Variants in MACROD2 observed in about 807,000 individuals in gnomAD.
MACROD2 encodes the protein ADP-ribose glycohydrolase MACROD2.
A neutral mutation model predicts 70.4 loss-of-function variants in MACROD2; 36 were observed. The observed-to-expected ratio is 0.51, with a 90% CI of 0.39 to 0.68. MACROD2 has a LOEUF of 0.68. Among genes scored for constraint, MACROD2 ranks in the 30% least tolerant of loss-of-function variants. MACROD2 has a pLI of 0.00. For synonymous variants in MACROD2, 172 were observed against 178.8 expected (o/e 0.96, Z 0.30); for missense variants, 496 against 538.4 (o/e 0.92, Z 0.78).
At chr20:15,672,348 T>TACACACACAC (rs3071295) in intron 8 of MACROD2, among the ~76,000 whole-genome samples, 2,915 of 141,884 alleles carry the variant, frequency 0.021, 70 homozygotes, top group East Asian at 0.062. Flanking sequence ...TGTTCTATTT[T>TACACACACAC]ACACACACAC....
chr20:14,319,634 G>A (rs1221634350), intron 3 of MACROD2, among the ~76,000 whole-genome samples: 1 of 152,022 alleles, frequency 6.6e-6, no homozygotes, highest in East Asian at 1.9e-4. Context: ...ATCCCCAAGG[G>A]TCACCTCATT....
chr20:14,536,626 GGTGTGTGTGTGTGTGT>G (rs11471542), intron 4 of MACROD2, among the ~76,000 whole-genome samples: 20 of 139,066 alleles, frequency 1.4e-4, no homozygotes, highest in South Asian at 4.7e-4. Context: ...AGGTAACATT[GGTGTGTGTGTGTGTGT>G]GTGTGTGTGT....
intron 6 of MACROD2, among the ~76,000 whole-genome samples, chr20:15,429,182 G>A (rs1409816895): frequency 6.6e-6 from 1 of 152,112 alleles, no homozygotes; most frequent in Non-Finnish European, 1.5e-5. Flanking sequence ...GATAGTGTTG[G>A]TGAATGCCTG....
chr20:14,048,524 T>C (rs1385987929), intron 2 of MACROD2, among the ~76,000 whole-genome samples: 1 of 152,212 alleles, frequency 6.6e-6, no homozygotes, highest in Non-Finnish European at 1.5e-5. Flanking sequence ...AAAAACTATC[T>C]ATGGGACTAT....
intron 8 of MACROD2, among the ~76,000 whole-genome samples, chr20:15,534,657 A>G (rs945777097): frequency 1.3e-5 from 2 of 152,204 alleles, no homozygotes; most frequent in Non-Finnish European, 2.9e-5. Flanking sequence ...AAGCACATAA[A>G]CAGTTCAACC....
chr20:15,914,670 C>T (rs2065286818), intron 10 of MACROD2, among the ~76,000 whole-genome samples: 1 of 152,180 alleles, frequency 6.6e-6, no homozygotes, highest in South Asian at 2.1e-4. Context: ...CTCTAGTTCT[C>T]CAGACACCAA....
chr20:14,344,806 A>G (rs1372317870), intron 3 of MACROD2, among the ~76,000 whole-genome samples: 1 of 152,210 alleles, frequency 6.6e-6, no homozygotes, highest in Non-Finnish European at 1.5e-5. Context: ...TGTTTGGAGA[A>G]ATTCAAGGAG....
intron 5 of MACROD2, among the ~76,000 whole-genome samples, chr20:14,939,219 A>G (rs1325379837): frequency 2.6e-5 from 4 of 152,070 alleles, no homozygotes; most frequent in Admixed American, 6.6e-5. Flanking sequence ...GTACTTTTAT[A>G]GTTTCAGGTC....
At chr20:14,559,027 A>G (rs1400538773) in intron 4 of MACROD2, among the ~76,000 whole-genome samples, 1 of 151,778 alleles carries the variant, frequency 6.6e-6, no homozygotes, top group African/African-American at 2.4e-5. Flanking sequence ...CATGAGTTGT[A>G]ACGTTCTTGA....
At chr20:14,175,081 C>G (rs1364739475) in intron 3 of MACROD2, among the ~76,000 whole-genome samples, 1 of 152,170 alleles carries the variant, frequency 6.6e-6, no homozygotes, top group Non-Finnish European at 1.5e-5. Context: ...CAAAGGGTCT[C>G]TGGATTCTCT....
intron 8 of MACROD2, among the ~76,000 whole-genome samples, chr20:15,626,091 A>G (rs944304504): frequency 1.4e-4 from 22 of 152,132 alleles, no homozygotes; most frequent in African/African-American, 5.3e-4. Flanking sequence ...AACCATACAG[A>G]TGAAGGAAGG....
intron 3 of MACROD2, among the ~76,000 whole-genome samples, chr20:14,461,794 G>T (rs2084375936): frequency 1.3e-5 from 2 of 151,744 alleles, no homozygotes; most frequent in Admixed American, 1.3e-4. Context: ...CTGAGAATGA[G>T]GGTTTCCAGC....
At position 14,572,562 on chromosome 20, in the gene MACROD2, T is replaced by C. The variant is rs748658196; in HGVS notation, c.301+79054T>C. Among the ~76,000 whole-genome samples, 159 of 152,272 alleles carry C rather than the reference T, an allele frequency of 1.0e-3. 1 individual carries two copies. Among genetic ancestry groups the C allele is most frequent in the Non-Finnish European group, 1.0e-4 (7 of 67,994 alleles). On this transcript the variant is annotated intron_variant, in intron 4 of 17. Transcript: ENST00000684519. ...TGAATGAAAATGAATAGTCTCTAACTACACTTAATATGGATGAATCTCACA... is the reference window on the plus strand; with the variant it reads ...TGAATGAAAATGAATAGTCTCTAACCACACTTAATATGGATGAATCTCACA...
intron 8 of MACROD2, among the ~76,000 whole-genome samples, chr20:15,530,122 T>G (rs1482973625): frequency 1.3e-5 from 2 of 152,320 alleles, no homozygotes; most frequent in South Asian, 2.1e-4. Context: ...TACCTGTTAG[T>G]CACCATATTT....
chr20:14,352,250 C>T (rs927188263), intron 3 of MACROD2: 4 of 152,034 alleles, frequency 2.6e-5, no homozygotes, highest in Non-Finnish European at 5.9e-5. Flanking sequence ...GCATAACTAG[C>T]CTCTCTAGCT....
At chr20:14,713,772 T>A (rs1427530480) in intron 5 of MACROD2, among the ~76,000 whole-genome samples, 1 of 152,190 alleles carries the variant, frequency 6.6e-6, no homozygotes, top group Admixed American at 6.6e-5. Flanking sequence ...AAAATTACTA[T>A]TATCAATTGA....
At chr20:15,189,435 C>T (rs768030525) in intron 5 of MACROD2, among the ~76,000 whole-genome samples, 4 of 152,020 alleles carry the variant, frequency 2.6e-5, no homozygotes, top group Admixed American at 6.6e-5. Flanking sequence ...AACCGGAATT[C>T]GGGCAATCTA....
intron 6 of MACROD2, among the ~76,000 whole-genome samples, chr20:15,357,409 A>C (rs948829233): frequency 3.3e-5 from 5 of 152,280 alleles, no homozygotes; most frequent in East Asian, 1.9e-4. Context: ...CATTTAAAGC[A>C]TTCCTTTTGC....
chr20:15,995,440 C>T (rs2066614654), intron 15 of MACROD2, among the ~76,000 whole-genome samples: 2 of 151,532 alleles, frequency 1.3e-5, no homozygotes, highest in African/African-American at 4.8e-5. Flanking sequence ...AGCTCCGCCT[C>T]CCAGGTTCAC....
Sources: gnomAD v4.1 joint callset for allele counts (sites outside exome capture counted in the v4.1 genomes callset) on GRCh38, gnomAD v4.1.1 for gene constraint, MANE v1.5 for transcripts, NCBI Gene and HGNC (gene_info 2026-07-23, HGNC 2026-07-21) for gene names.